Variants in TNKS2 observed in about 807,000 individuals in gnomAD.
The protein encoded by TNKS2 is poly [ADP-ribose] polymerase tankyrase-2.
A neutral mutation model predicts 137.6 loss-of-function variants in TNKS2; 72 were observed. That is an observed-to-expected ratio of 0.52 (90% CI 0.43 to 0.64). The LOEUF is 0.64. Ranked by LOEUF, TNKS2 falls within the 30% of genes least tolerant of loss-of-function variation. TNKS2 has a pLI of 0.00. For missense variants in TNKS2, 1,049 were observed against 1,410.2 expected (o/e 0.74, Z 4.10); for synonymous variants, 516 against 512.1 (o/e 1.01, Z -0.10).
intron 11 of TNKS2, among the ~76,000 whole-genome samples, chr10:91,832,009 A>G (rs534983757): frequency 3.3e-5 from 5 of 152,168 alleles, no homozygotes; most frequent in Non-Finnish European, 7.3e-5. Context: ...TTTGCAGAAT[A>G]GTTTATTCTT....
chr10:91,845,609 T>G (rs533517327), intron 17 of TNKS2, 143 bp from the exon 18 acceptor site: 324 of 552,916 alleles, frequency 5.9e-4, no homozygotes, highest in Middle Eastern at 1.8e-3. Flanking sequence ...TCATAAGTTG[T>G]GATGTTGGGG....
chr10:91,835,380 C>T (rs1455875496), intron 12 of TNKS2, among the ~76,000 whole-genome samples: 5 of 150,758 alleles, frequency 3.3e-5, no homozygotes, highest in African/African-American at 1.2e-4. Context: ...ACCTCTGCCT[C>T]CTGGGTTCAC....
At chr10:91,846,993 T>C (rs538891767) in intron 18 of TNKS2, among the ~76,000 whole-genome samples, 6 of 152,342 alleles carry the variant, frequency 3.9e-5, no homozygotes, top group Admixed American at 2.6e-4. Context: ...GCCTAACCTC[T>C]AAACCTTAGT....
chr10:91,810,361 G>A (rs1844457121), intron 1 of TNKS2, among the ~76,000 whole-genome samples: 1 of 150,966 alleles, frequency 6.6e-6, no homozygotes, highest in African/African-American at 2.4e-5. Context: ...CTGGGTGACA[G>A]AGTGAGACTC....
Position 91,863,063 on chromosome 10 carries a change from G to T in TNKS2, c.*64G>T. 1 of 1,177,814 alleles carries T rather than the reference G, an allele frequency of 8.5e-7. No homozygotes were observed. 73.0% of individuals were successfully genotyped at this position (1,177,814 alleles called of 1,614,324 possible). The stretch of plus-strand genomic sequence containing the variant: ...TCATCAAAGCAGCAGTGGCCTCTAC[G>T]TTTTACTCCTTTGCTGAAAAAAAAT... On this transcript the variant is annotated 3_prime_UTR_variant, in exon 27 of 27. Coordinates refer to ENST00000371627, the MANE Select transcript of TNKS2 (RefSeq NM_025235.4).
chr10:91,821,101 G>A lies in TNKS2; in HGVS notation c.728+1068G>A, dbSNP rs530906344. 4.6e-5 allele frequency among the ~76,000 whole-genome samples: 7 copies of A among 152,070 alleles called. No individual in the cohort carries two copies. In the South Asian group the frequency reaches 8.3e-4, roughly 18 times the overall value. On this transcript the variant is annotated intron_variant, in intron 6 of 26. Transcript: ENST00000371627. ...CGCCCAGGCTGGAGTGCAGTGGCGCGATCGTGGTTCACTGCAACCTCCACC... is the reference window on the plus strand; with the variant it reads ...CGCCCAGGCTGGAGTGCAGTGGCGCAATCGTGGTTCACTGCAACCTCCACC...
intron 18 of TNKS2, among the ~76,000 whole-genome samples, chr10:91,846,183 G>A (rs1286994498): frequency 6.6e-6 from 1 of 152,164 alleles, no homozygotes; most frequent in Non-Finnish European, 1.5e-5. Flanking sequence ...ATAGGAAAAA[G>A]AAGTACATGA....
In TNKS2 at chr10:91,821,590, A is replaced by G. The variant is rs190159395; in HGVS notation, c.729-706A>G. ...AAACGAGAAGGAAAAGCTTCAAGAT[A>G]GAAGTCAAGATTTTAAAGTTTCACC... On this transcript the variant is annotated intron_variant, in intron 6 of 26. Coordinates refer to ENST00000371627, the MANE Select transcript of TNKS2 (RefSeq NM_025235.4). Among the ~76,000 whole-genome samples the G allele has an allele frequency of 2.5e-4, 38 of 152,298 alleles. 1 individual carries two copies. In the East Asian group the frequency reaches 3.9e-3, roughly 15 times the overall value.
chr10:91,861,863 T>C, intron 25 of TNKS2, 136 bp from the exon 26 acceptor site: 1 of 714,844 alleles, frequency 1.4e-6, no homozygotes, highest in Non-Finnish European at 2.2e-6. Context: ...AAAAGTTCTT[T>C]TAGGGGTGAA....
At chr10:91,805,388 ATG>A (rs1436184039) in intron 1 of TNKS2, among the ~76,000 whole-genome samples, 4 of 152,190 alleles carry the variant, frequency 2.6e-5, no homozygotes, top group African/African-American at 4.8e-5. Flanking sequence ...GTTGGTAACT[ATG>A]TGGATATAAT....
At chr10:91,849,184 A>G (rs1564626758) in intron 19 of TNKS2, among the ~76,000 whole-genome samples, 1 of 152,162 alleles carries the variant, frequency 6.6e-6, no homozygotes, top group African/African-American at 2.4e-5. Flanking sequence ...AATTCATCCC[A>G]CCTTATGCAA....
chr10:91,798,913 G>T, intron 1 of TNKS2, 24 bp downstream of exon 1: 2 of 1,373,482 alleles, frequency 1.5e-6, no homozygotes, highest in South Asian at 1.7e-5. Flanking sequence ...GCGTCCCCTC[G>T]CCTCGCTCCA....
At chr10:91,801,229 A>G (rs1223056767) in intron 1 of TNKS2, among the ~76,000 whole-genome samples, 1 of 152,236 alleles carries the variant, frequency 6.6e-6, no homozygotes, top group Non-Finnish European at 1.5e-5. Context: ...TAGTTCAATT[A>G]AAAGAATAAT....
rs371466930 is a variant in TNKS2, at chr10:91,799,413, A to G, written c.199+524A>G. Among the ~76,000 whole-genome samples, 57 of 152,336 alleles carry G rather than the reference A, an allele frequency of 3.7e-4. No homozygotes were observed. The East Asian group carries it at 8.7e-3, about 23-fold the overall frequency. On this transcript the variant is annotated intron_variant, in intron 1 of 26. Transcript: ENST00000371627. ...TGGTTTATCAGAATAGCCAATCATT[A>G]CCAAGTTTCTGGAGTGACTAGAACG...
At position 91,798,900 on chromosome 10, in the gene TNKS2, C is replaced by G; in HGVS notation, c.199+11C>G. 1 of 1,379,304 alleles carries G rather than the reference C, an allele frequency of 7.3e-7. No individual in the cohort carries two copies. The highest frequency in any genetic ancestry group is 9.5e-7 in the Non-Finnish European group (1 of 1,057,772). 85.4% of individuals were successfully genotyped at this position (1,379,304 alleles called of 1,614,324 possible). Reference sequence around the variant, plus strand: ...TGCACTTCGCCGCAGGTAACCGGGGCCAGCGTCCCCTCGCCTCGCTCCAGA... The same window carrying G: ...TGCACTTCGCCGCAGGTAACCGGGGGCAGCGTCCCCTCGCCTCGCTCCAGA... On this transcript the variant is annotated intron_variant, in intron 1 of 26. Coordinates refer to ENST00000371627, the MANE Select transcript of TNKS2 (RefSeq NM_025235.4).
At chr10:91,826,923 C>A in intron 7 of TNKS2, 94 bp from the exon 8 acceptor site, 2 of 1,166,354 alleles carry the variant, frequency 1.7e-6, no homozygotes, top group South Asian at 3.3e-5. Flanking sequence ...GGAACATAAC[C>A]TGTTTTAGCC....
intron 1 of TNKS2, among the ~76,000 whole-genome samples, chr10:91,802,790 A>G (rs1020256115): frequency 6.6e-6 from 1 of 152,262 alleles, no homozygotes; most frequent in East Asian, 1.9e-4. Flanking sequence ...ACCTAGAACT[A>G]CAGTTATAGA....
At chr10:91,839,600 A>G (rs1842147377) in intron 13 of TNKS2, among the ~76,000 whole-genome samples, 1 of 152,136 alleles carries the variant, frequency 6.6e-6, no homozygotes, top group African/African-American at 2.4e-5. Flanking sequence ...CCTAACCATC[A>G]GCATTCTATT....
At chr10:91,848,047 T>C (rs1302618512) in intron 18 of TNKS2, among the ~76,000 whole-genome samples, 1 of 152,208 alleles carries the variant, frequency 6.6e-6, no homozygotes, top group Non-Finnish European at 1.5e-5. Flanking sequence ...TAGAACCAGA[T>C]GTGTTTTCGG....
Sources: allele counts gnomAD v4.1 joint callset (sites outside exome capture counted in the v4.1 genomes callset), GRCh38; gene constraint gnomAD v4.1.1; transcripts MANE v1.5; gene names NCBI Gene and HGNC (gene_info 2026-07-23, HGNC 2026-07-21).